CRYBG1: variants seen among roughly 807,000 people sequenced by gnomAD.
The protein encoded by CRYBG1 is crystallin beta-gamma domain containing 1.
CRYBG1 carries 139 observed loss-of-function variants against 189.2 expected under a neutral mutation model. The ratio of observed to expected loss-of-function variants is 0.73; its 90% CI spans 0.64 to 0.85. The LOEUF (loss-of-function observed/expected upper bound fraction) is 0.85. CRYBG1 is among the 40% of genes least tolerant of loss of function. The pLI, the probability that CRYBG1 is intolerant of heterozygous loss-of-function variation, is 0.00. For missense variants in CRYBG1, 2,611 were observed against 2,675.8 expected (o/e 0.98, Z 0.53); for synonymous variants, 1,023 against 1,017.1 (o/e 1.01, Z -0.11).
chr6:106,525,902 C>T (rs1426348158), intron 6 of CRYBG1, among the ~76,000 whole-genome samples: 1 of 152,146 alleles, frequency 6.6e-6, no homozygotes, highest in Admixed American at 6.5e-5. Flanking sequence ...CAGTTCAATG[C>T]AGCACTAACT....
Position 106,561,507 on chromosome 6 carries a change from T to C in CRYBG1, c.6138+7T>C. 1 of 1,609,602 alleles carries C rather than the reference T, an allele frequency of 6.2e-7. No individual in the cohort carries two copies. The highest frequency in any genetic ancestry group is 8.5e-7 in the Non-Finnish European group (1 of 1,177,170). On this transcript the variant is annotated splice_region_variant and intron_variant, in intron 20 of 21. Coordinates refer to ENST00000633556, the MANE Select transcript of CRYBG1 (RefSeq NM_001371242.2). ...AGGATGTATCAAATGCAGGGTGAGC[T>C]TTAGGATTCCACGGGGGCCTGTGAT...
At chr6:106,393,209 A>G (rs1770541822) in intron 1 of CRYBG1, among the ~76,000 whole-genome samples, 1 of 152,208 alleles carries the variant, frequency 6.6e-6, no homozygotes. Flanking sequence ...GAGTTCTGAG[A>G]TGGAACATGG....
intron 2 of CRYBG1, among the ~76,000 whole-genome samples, chr6:106,469,088 C>T (rs1220939100): frequency 6.6e-6 from 1 of 152,204 alleles, no homozygotes; most frequent in Non-Finnish European, 1.5e-5. Context: ...CTGGCCCTCT[C>T]CCCACCACTC....
chr6:106,492,904 G>A (rs555723922), intron 2 of CRYBG1, among the ~76,000 whole-genome samples: 9 of 152,026 alleles, frequency 5.9e-5, no homozygotes, highest in African/African-American at 2.2e-4. Flanking sequence ...GTGACATTCT[G>A]TAAATATAGT....
intron 17 of CRYBG1, among the ~76,000 whole-genome samples, chr6:106,558,230 CT>C (rs758009049): frequency 3.3e-4 from 41 of 122,446 alleles, no homozygotes; most frequent in South Asian, 1.3e-3. Flanking sequence ...ACCCATTTCT[CT>C]TTTTTTTTTC....
intron 1 of CRYBG1, among the ~76,000 whole-genome samples, chr6:106,408,438 G>C (rs1471445074): frequency 6.6e-6 from 1 of 152,166 alleles, no homozygotes; most frequent in Non-Finnish European, 1.5e-5. Flanking sequence ...AATTCTACCA[G>C]AGGTACAAAG....
chr6:106,501,143 AC>A (rs2114509507), intron 2 of CRYBG1, among the ~76,000 whole-genome samples: 1 of 152,364 alleles, frequency 6.6e-6, no homozygotes, highest in East Asian at 1.9e-4. Flanking sequence ...GTAAGCAGAC[AC>A]AGCAATAAAG....
At chr6:106,391,928 C>T (rs55943262) in intron 1 of CRYBG1, among the ~76,000 whole-genome samples, 7,874 of 131,366 alleles carry the variant, frequency 0.06, 262 homozygotes, top group Admixed American at 0.083. Context: ...TTGTTTAAAA[C>T]GTGTGTGTGT....
At chr6:106,389,111 T>C (rs1019216406) in intron 1 of CRYBG1, among the ~76,000 whole-genome samples, 3 of 152,158 alleles carry the variant, frequency 2.0e-5, no homozygotes, top group African/African-American at 4.8e-5. Context: ...CAAATCTTCC[T>C]TTATAGTTTC....
Position 106,519,778 on chromosome 6 carries a change from A to G in CRYBG1, c.2570A>G (p.His857Arg). 1.9e-6 allele frequency: 3 copies of G among 1,614,208 alleles called. No homozygotes were observed. The highest frequency in any genetic ancestry group is 2.5e-6 in the Non-Finnish European group (3 of 1,180,032). The change falls in exon 4 of 22, where the codon CAT becomes CGT. Residue 857 changes from histidine (H) to arginine (R), a missense_variant. Physicochemically the swap from His to Arg is conservative, Grantham distance 29. Transcript: ENST00000633556. The part of the protein sequence containing the change: ...LPPTAMPKPQ[H>R]TFSDSQSPAE... ...CCAACGGCCATGCCAAAGCCACAGC[A>G]TACATTTTCTGACTCACAGTCCCCT... is the stretch of plus-strand genomic sequence containing the variant.
chr6:106,378,333 CG>C (rs1244679809), intron 1 of CRYBG1, among the ~76,000 whole-genome samples: 1 of 152,170 alleles, frequency 6.6e-6, no homozygotes, highest in Non-Finnish European at 1.5e-5. Flanking sequence ...GAAGCTGGTA[CG>C]GGGCATTCCC....
At chr6:106,477,799 C>A (rs938429454) in intron 2 of CRYBG1, among the ~76,000 whole-genome samples, 25 of 152,226 alleles carry the variant, frequency 1.6e-4, no homozygotes, top group African/African-American at 5.8e-4. Context: ...GTTTCTCAGT[C>A]TGAGAAGGAA....
chr6:106,525,026 A>T, intron 4 of CRYBG1, 107 bp from the exon 5 acceptor site: 1 of 1,137,562 alleles, frequency 8.8e-7, no homozygotes, highest in Non-Finnish European at 1.3e-6. Context: ...TTCAAAATCG[A>T]TACAATGTGG....
chr6:106,554,290 C>G (rs1272985671), intron 16 of CRYBG1, among the ~76,000 whole-genome samples: 1 of 152,098 alleles, frequency 6.6e-6, no homozygotes, highest in African/African-American at 2.4e-5. Flanking sequence ...TAGTATTGCA[C>G]AGCAAAAAAG....
intron 2 of CRYBG1, among the ~76,000 whole-genome samples, chr6:106,456,923 T>C (rs1487490119): frequency 6.6e-6 from 1 of 152,098 alleles, no homozygotes; most frequent in Non-Finnish European, 1.5e-5. Flanking sequence ...ACACAATACA[T>C]CAACATTATC....
chr6:106,558,187 A>G (rs1774603071), intron 17 of CRYBG1, among the ~76,000 whole-genome samples: 1 of 151,868 alleles, frequency 6.6e-6, no homozygotes, highest in Admixed American at 6.6e-5. Flanking sequence ...TCAAAAATAA[A>G]TGCCATCAGA....
At chr6:106,522,694 A>G (rs1427848968) in intron 4 of CRYBG1, among the ~76,000 whole-genome samples, 3 of 152,158 alleles carry the variant, frequency 2.0e-5, no homozygotes, top group Non-Finnish European at 4.4e-5. Context: ...CCTCAATCCA[A>G]CACAGTTTAT....
At chr6:106,419,674 C>G (rs1268791515) in intron 1 of CRYBG1, among the ~76,000 whole-genome samples, 1 of 152,118 alleles carries the variant, frequency 6.6e-6, no homozygotes, top group Non-Finnish European at 1.5e-5. Flanking sequence ...GTGAGCCACC[C>G]CACCTGGCCT....
chr6:106,555,203 A>G (rs1247015959), intron 16 of CRYBG1, among the ~76,000 whole-genome samples: 2 of 151,932 alleles, frequency 1.3e-5, no homozygotes, highest in Non-Finnish European at 2.9e-5. Flanking sequence ...AAAAAAAAAA[A>G]AAAGGCCCAC....
Sources: gnomAD v4.1 joint callset for allele counts (sites outside exome capture counted in the v4.1 genomes callset) on GRCh38, gnomAD v4.1.1 for gene constraint, MANE v1.5 for transcripts, NCBI Gene and HGNC (gene_info 2026-07-23, HGNC 2026-07-21) for gene names.